PRR16: variants seen among roughly 807,000 people sequenced by gnomAD.
PRR16 encodes the protein protein Largen.
Under a neutral mutation model 18.2 loss-of-function variants are expected in PRR16, and 6 were observed. The ratio of observed to expected loss-of-function variants is 0.33; its 90% CI spans 0.18 to 0.65. The LOEUF is 0.65. Among genes scored for constraint, PRR16 ranks in the 30% least tolerant of loss-of-function variants. The pLI, the probability that PRR16 is intolerant of heterozygous loss-of-function variation, is 0.74. For missense variants in PRR16, 412 were observed against 376.6 expected (o/e 1.09, Z -0.78); for synonymous variants, 151 against 147.8 (o/e 1.02, Z -0.16).
chr5:120,575,656 TA>T (rs1364664648), intron 1 of PRR16, among the ~76,000 whole-genome samples: 1 of 151,924 alleles, frequency 6.6e-6, no homozygotes, highest in African/African-American at 2.4e-5. Flanking sequence ...CTCAACATAA[TA>T]AAGGCCATAT....
At chr5:120,735,777 T>C in the PRR16 span, among the ~76,000 whole-genome samples, 1 of 152,116 alleles carries the variant, frequency 6.6e-6, no homozygotes, top group Non-Finnish European at 1.5e-5. Context: ...CCTCCTATTC[T>C]GTAGGTTGAT....
chr5:120,734,286 G>A, the PRR16 span, among the ~76,000 whole-genome samples: 3 of 152,166 alleles, frequency 2.0e-5, no homozygotes, highest in African/African-American at 7.2e-5. Flanking sequence ...AGTGAGGAGG[G>A]AAGAGGGAGC....
At chr5:120,502,639 C>G (rs1420322579) in intron 1 of PRR16, among the ~76,000 whole-genome samples, 3 of 152,094 alleles carry the variant, frequency 2.0e-5, no homozygotes, top group Admixed American at 2.0e-4. Context: ...TAGATTCTAG[C>G]CCTGTTACTA....
chr5:120,533,230 T>C (rs148971507), intron 1 of PRR16, among the ~76,000 whole-genome samples: 1,684 of 152,328 alleles, frequency 0.011, 34 homozygotes, highest in African/African-American at 0.038. Context: ...ATTTGGTAAT[T>C]ACAAATCAAC....
At position 120,534,585 on chromosome 5, in the gene PRR16, T is replaced by C. The variant is rs192069695; in HGVS notation, c.159+69940T>C. ...TTATAGATGGAATTATGAATCTATC[T>C]GTACTTAGAAATGTATTATCTGTCA... On this transcript the variant is annotated intron_variant, in intron 1 of 1. Coordinates refer to ENST00000407149, the MANE Select transcript of PRR16 (RefSeq NM_001300783.2). Among the ~76,000 whole-genome samples, 461 of 152,340 alleles carry C rather than the reference T, an allele frequency of 3.0e-3. 1 individual carries two copies. Among genetic ancestry groups the C allele is most frequent in the African/African-American group, 0.01 (435 of 41,576 alleles).
At chr5:120,776,810 A>G in the PRR16 span, among the ~76,000 whole-genome samples, 10 of 145,896 alleles carry the variant, frequency 6.9e-5, no homozygotes, top group Admixed American at 6.9e-5. Context: ...TGTAAAATAC[A>G]TATGTATTAA....
intron 1 of PRR16, among the ~76,000 whole-genome samples, chr5:120,614,738 G>A (rs1754450937): frequency 1.3e-5 from 2 of 152,186 alleles, no homozygotes; most frequent in African/African-American, 2.4e-5. Context: ...TGCATAGCCA[G>A]ACAATCTCAG....
At chr5:120,718,856 T>A in the PRR16 span, among the ~76,000 whole-genome samples, 1 of 152,044 alleles carries the variant, frequency 6.6e-6, no homozygotes, top group African/African-American at 2.4e-5. Flanking sequence ...GGGGAACTAA[T>A]GAAACAGTAA....
chr5:120,540,020 T>A (rs1364720915), intron 1 of PRR16, among the ~76,000 whole-genome samples: 1 of 152,202 alleles, frequency 6.6e-6, no homozygotes, highest in African/African-American at 2.4e-5. Context: ...GGCTCATACC[T>A]GGGTAGAGCT....
At chr5:120,617,112 C>G in intron 1 of PRR16, 3 of 985,272 alleles carry the variant, frequency 3.0e-6, no homozygotes, top group Non-Finnish European at 3.6e-6. Flanking sequence ...ATTACCTACT[C>G]CCACCTCCCC....
chr5:120,591,679 TTC>T (rs1467141450), intron 1 of PRR16, among the ~76,000 whole-genome samples: 2 of 152,126 alleles, frequency 1.3e-5, no homozygotes, highest in African/African-American at 4.8e-5. Context: ...TATAATTACT[TTC>T]TGTTTTCTCA....
chr5:120,692,889 G>T, the PRR16 span, among the ~76,000 whole-genome samples: 3 of 152,062 alleles, frequency 2.0e-5, no homozygotes, highest in African/African-American at 7.2e-5. Context: ...TCTGAGAATA[G>T]TCACCAACAG....
the PRR16 span, among the ~76,000 whole-genome samples, chr5:120,747,918 C>T: frequency 6.6e-6 from 1 of 152,076 alleles, no homozygotes; most frequent in Non-Finnish European, 1.5e-5. Flanking sequence ...AGAAAATCTA[C>T]ATTTTGTGCA....
At chr5:120,573,010 C>G (rs1274466054) in intron 1 of PRR16, among the ~76,000 whole-genome samples, 2 of 152,100 alleles carry the variant, frequency 1.3e-5, no homozygotes, top group African/African-American at 2.4e-5. Flanking sequence ...GTGGAGAAAG[C>G]TAGTATGGAC....
At position 120,644,324 on chromosome 5, in the gene PRR16, C is replaced by T. The variant is rs552255139; in HGVS notation, c.160-41630C>T. On this transcript the variant is annotated intron_variant, in intron 1 of 1. Transcript: ENST00000407149. ...ATTTGTCCTCTGAAAAGCTCAATCCCGATAGCAGGGCTGCCAAGAAAAAAG... is the reference window on the plus strand; with the variant it reads ...ATTTGTCCTCTGAAAAGCTCAATCCTGATAGCAGGGCTGCCAAGAAAAAAG... Among the ~76,000 whole-genome samples, 197 of 151,886 alleles carry T rather than the reference C, an allele frequency of 1.3e-3. 7 individuals carry two copies. The highest frequency in any genetic ancestry group is 1.2e-3 in the Non-Finnish European group (79 of 67,974).
chr5:120,487,853 A>G (rs941961714), intron 1 of PRR16, among the ~76,000 whole-genome samples: 31 of 152,182 alleles, frequency 2.0e-4, no homozygotes, highest in Admixed American at 1.8e-3. Context: ...AGTTGTTAGC[A>G]TGAAGCGTTG....
At chr5:120,601,903 A>G (rs1446405549) in intron 1 of PRR16, among the ~76,000 whole-genome samples, 2 of 151,824 alleles carry the variant, frequency 1.3e-5, no homozygotes, top group African/African-American at 4.8e-5. Flanking sequence ...TGGGTTCTGT[A>G]ACCTGGTCCA....
chr5:120,571,362 T>G (rs948780756), intron 1 of PRR16, among the ~76,000 whole-genome samples: 1 of 152,158 alleles, frequency 6.6e-6, no homozygotes, highest in African/African-American at 2.4e-5. Flanking sequence ...GGGAGTGTGC[T>G]TGGTGTGTTC....
intron 1 of PRR16, among the ~76,000 whole-genome samples, chr5:120,594,589 A>G (rs1753741384): frequency 6.6e-6 from 1 of 152,148 alleles, no homozygotes; most frequent in South Asian, 2.1e-4. Context: ...AATTCTCCAC[A>G]GTACTAGAAA....
Sources: gnomAD v4.1 joint callset for allele counts (sites outside exome capture counted in the v4.1 genomes callset) on GRCh38, gnomAD v4.1.1 for gene constraint, MANE v1.5 for transcripts, NCBI Gene and HGNC (gene_info 2026-07-23, HGNC 2026-07-21) for gene names.